Variants in TMEM117 observed in about 807,000 individuals in gnomAD.
TMEM117 encodes the protein transmembrane protein 117.
Under a neutral mutation model 52.4 loss-of-function variants are expected in TMEM117, and 27 were observed. The observed-to-expected ratio is 0.51, with a 90% confidence interval of 0.38 to 0.71. The LOEUF (loss-of-function observed/expected upper bound fraction) is 0.71. Ranked by LOEUF, TMEM117 falls within the 30% of genes least tolerant of loss-of-function variation. The pLI, the probability that TMEM117 is intolerant of heterozygous loss-of-function variation, is 0.00. For synonymous variants in TMEM117, 215 were observed against 206.3 expected (o/e 1.04, Z -0.36); for missense variants, 556 against 630.5 (o/e 0.88, Z 1.26).
intron 4 of TMEM117, among the ~76,000 whole-genome samples, chr12:44,193,573 C>G (rs568638930): frequency 3.9e-5 from 6 of 151,994 alleles, no homozygotes; most frequent in African/African-American, 1.5e-4. Context: ...AGGCCAGGAA[C>G]CTTGAATAGC....
chr12:43,824,764 C>A, the TMEM117 span, among the ~76,000 whole-genome samples: 1 of 152,132 alleles, frequency 6.6e-6, no homozygotes, highest in East Asian at 1.9e-4. Flanking sequence ...TCTGTCTCTA[C>A]TAAAAATATA....
At chr12:44,154,744 C>T (rs1421858490) in intron 4 of TMEM117, among the ~76,000 whole-genome samples, 1 of 151,004 alleles carries the variant, frequency 6.6e-6, no homozygotes, top group Non-Finnish European at 1.5e-5. Flanking sequence ...CAGTTTTCCC[C>T]CAAACAATAT....
At chr12:44,059,750 A>G (rs772079604) in intron 3 of TMEM117, among the ~76,000 whole-genome samples, 8 of 152,208 alleles carry the variant, frequency 5.3e-5, no homozygotes, top group Non-Finnish European at 8.8e-5. Flanking sequence ...AGCAGCAGAA[A>G]AAGCAGAATA....
chr12:44,298,416 GT>G (rs144222091), intron 5 of TMEM117, among the ~76,000 whole-genome samples: 10,990 of 141,932 alleles, frequency 0.077, 1,445 homozygotes, highest in African/African-American at 0.23. Flanking sequence ...TCAAGTAATT[GT>G]TTTTTTTTTT....
intron 5 of TMEM117, among the ~76,000 whole-genome samples, chr12:44,214,059 A>C (rs1302233567): frequency 6.6e-6 from 1 of 151,970 alleles, no homozygotes; most frequent in Non-Finnish European, 1.5e-5. Context: ...AGAGGAGAGA[A>C]ATCCATTAAT....
At chr12:44,318,149 G>A (rs1176849606) in intron 6 of TMEM117, 1 of 152,338 alleles carries the variant, frequency 6.6e-6, no homozygotes, top group African/African-American at 2.4e-5. Context: ...AGAAAGTGTG[G>A]GGCAACTCAG....
chr12:43,925,366 C>T (rs1358792632), intron 2 of TMEM117, among the ~76,000 whole-genome samples: 2 of 151,972 alleles, frequency 1.3e-5, no homozygotes, highest in Non-Finnish European at 2.9e-5. Context: ...ATGTGCAACC[C>T]AATTTCACTG....
intron 6 of TMEM117, among the ~76,000 whole-genome samples, chr12:44,338,318 A>C (rs1951369531): frequency 6.6e-6 from 1 of 152,106 alleles, no homozygotes; most frequent in Non-Finnish European, 1.5e-5. Context: ...GGTTTGCAGG[A>C]GTTTTTATCT....
chr12:44,269,928 T>C (rs1030476968), intron 5 of TMEM117, among the ~76,000 whole-genome samples: 1 of 152,076 alleles, frequency 6.6e-6, no homozygotes, highest in Non-Finnish European at 1.5e-5. Context: ...AAAGAAAATT[T>C]CCCCAACTAC....
chr12:43,942,975 G>A (rs1211502868), intron 2 of TMEM117, among the ~76,000 whole-genome samples: 1 of 151,658 alleles, frequency 6.6e-6, no homozygotes, highest in African/African-American at 2.4e-5. Flanking sequence ...TCAGGAGATC[G>A]AGACCATCTT....
At chr12:44,345,865 T>C (rs1406279799) in intron 6 of TMEM117, among the ~76,000 whole-genome samples, 1 of 152,094 alleles carries the variant, frequency 6.6e-6, no homozygotes, top group Non-Finnish European at 1.5e-5. Context: ...GTTCTGTAAA[T>C]AGGATTATAA....
Position 43,883,761 on chromosome 12 carries a change from C to CA in TMEM117, c.277+38844dup, listed in dbSNP as rs10718021. Reference sequence around the variant, plus strand: ...TACCATTCTTTCTTTGTATGAAAGACAAAAAAAAAAACAAAAAACAAAAAA... The same window carrying CA: ...TACCATTCTTTCTTTGTATGAAAGACAAAAAAAAAAAACAAAAAACAAAAAA... On this transcript the variant is annotated intron_variant, in intron 2 of 7. Transcript: ENST00000266534. Among the ~76,000 whole-genome samples, 798 of 140,556 alleles carry CA rather than the reference C, an allele frequency of 5.7e-3. 4 individuals carry two copies. The highest frequency in any genetic ancestry group is 0.011 in the Middle Eastern group (3 of 268). 92.2% of individuals were successfully genotyped at this position (140,556 alleles called of 152,430 possible).
At chr12:43,860,584 G>C (rs1314660628) in intron 2 of TMEM117, among the ~76,000 whole-genome samples, 1 of 152,128 alleles carries the variant, frequency 6.6e-6, no homozygotes, top group Non-Finnish European at 1.5e-5. Context: ...GCTTTCTGGG[G>C]GAAGACATCC....
At chr12:44,222,241 G>A (rs1949798216) in intron 5 of TMEM117, among the ~76,000 whole-genome samples, 1 of 152,106 alleles carries the variant, frequency 6.6e-6, no homozygotes, top group African/African-American at 2.4e-5. Flanking sequence ...GTCTTGGACT[G>A]CTGGGACCTA....
Position 44,083,415 on chromosome 12 carries a change from T to A in TMEM117, c.411-60110T>A, listed in dbSNP as rs1181838871. Among the ~76,000 whole-genome samples, 28 of 139,290 alleles carry A rather than the reference T, an allele frequency of 2.0e-4. No individual in the cohort carries two copies. In the South Asian group the frequency reaches 5.6e-3, roughly 28 times the overall value. The allele number at this position is 139,290 out of a possible 152,430, so 91.4% of individuals were successfully genotyped here. A position where few individuals can be genotyped will look rare whatever the true frequency, so the allele number is the denominator to read the frequency against. On this transcript the variant is annotated intron_variant, in intron 3 of 7. Transcript: ENST00000266534. Reference sequence around the variant, plus strand: ...TTTTTTTTTTTTTTTTTTTTTTTTTTAGACATGGTTTCACTCTGTTGCCCA... The same window carrying A: ...TTTTTTTTTTTTTTTTTTTTTTTTTAAGACATGGTTTCACTCTGTTGCCCA...
At chr12:43,818,686 G>A in the TMEM117 span, among the ~76,000 whole-genome samples, 1 of 152,082 alleles carries the variant, frequency 6.6e-6, no homozygotes, top group South Asian at 2.1e-4. Flanking sequence ...CTCGTGATCC[G>A]ACCGCCTTGG....
Position 44,291,939 on chromosome 12 carries a change from A to G in TMEM117, c.609-7641A>G, listed in dbSNP as rs1950710355. Among the ~76,000 whole-genome samples, 4 of 152,014 alleles carry G rather than the reference A, an allele frequency of 2.6e-5. No homozygotes were observed. In the South Asian group the frequency reaches 6.2e-4, roughly 24 times the overall value. On this transcript the variant is annotated intron_variant, in intron 5 of 7. Transcript: ENST00000266534. Reference sequence around the variant, plus strand: ...TTATATTCATTAGGAATATTGACCTATGATTTTCTTTTTTTGTAGTATCCA... The same window carrying G: ...TTATATTCATTAGGAATATTGACCTGTGATTTTCTTTTTTTGTAGTATCCA...
intron 2 of TMEM117, among the ~76,000 whole-genome samples, chr12:43,851,098 T>G (rs1272181408): frequency 6.6e-6 from 1 of 152,198 alleles, no homozygotes; most frequent in Non-Finnish European, 1.5e-5. Context: ...TTAATCAACT[T>G]GTAAGTCTTC....
At chr12:43,899,391 T>C (rs893314715) in intron 2 of TMEM117, among the ~76,000 whole-genome samples, 1 of 152,216 alleles carries the variant, frequency 6.6e-6, no homozygotes, top group Admixed American at 6.5e-5. Flanking sequence ...TATAAACTTA[T>C]TTTTAGTATG....
Sources: allele counts gnomAD v4.1 joint callset (sites outside exome capture counted in the v4.1 genomes callset), GRCh38; gene constraint gnomAD v4.1.1; transcripts MANE v1.5; gene names NCBI Gene and HGNC (gene_info 2026-07-23, HGNC 2026-07-21).